Variants in MLXIPL observed in about 807,000 individuals in gnomAD.
The protein encoded by MLXIPL is MLX interacting protein like.
MLXIPL carries 49 observed loss-of-function variants against 81.5 expected under a neutral mutation model. That is an observed-to-expected ratio of 0.60 (90% CI 0.48 to 0.76). The LOEUF is 0.76. MLXIPL is among the 30% of genes least tolerant of loss of function. MLXIPL has a pLI of 0.00. For missense variants in MLXIPL, 1,053 were observed against 1,167.0 expected, an observed-to-expected ratio of 0.90 and a Z score of 1.42; for synonymous variants, 466 against 485.5, an observed-to-expected ratio of 0.96 and a Z score of 0.53.
At chr7:73,627,604 A>T (rs781990964), upstream of MLXIPL, among the ~76,000 whole-genome samples, 1 of 152,100 alleles carries the variant, frequency 6.6e-6, no homozygotes. Flanking sequence ...TGACAGGATC[A>T]TTACTTACCC....
intron 5 of MLXIPL, chr7:73,606,428 CTTTTTTT>C (rs539124816): frequency 3.3e-6 from 1 of 302,030 alleles, no homozygotes; most frequent in South Asian, 3.8e-5. Flanking sequence ...TTTTCTTTTT[CTTTTTTT>C]TTTTTTTGGA....
chr7:73,606,937 G>A, intron 5 of MLXIPL, 37 bp downstream of exon 5: 1 of 1,609,960 alleles, frequency 6.2e-7, no homozygotes, highest in Non-Finnish European at 8.5e-7. Flanking sequence ...GGGGGGCAAA[G>A]GGATGCCCTT....
chr7:73,627,533 GC>G (rs1305242215), upstream of MLXIPL, among the ~76,000 whole-genome samples: 19 of 152,152 alleles, frequency 1.2e-4, no homozygotes, highest in Admixed American at 1.2e-3. Context: ...ACAGGCGTGA[GC>G]CACCGTGGCC....
Position 73,597,384 on chromosome 7 carries a change from G to A in MLXIPL, c.1401C>T (p.Pro467=), listed in dbSNP as rs1554594609. Residue 467 remains proline (P), a synonymous_variant, in exon 9 of 17, where the codon CCC becomes CCT. Coordinates refer to ENST00000313375, the MANE Select transcript of MLXIPL (RefSeq NM_032951.3). ...GTAGAAGCTCTATGGGGAAGGGGGT[G>A]GGGGCTGGGCTGGGGACAGACTGTG... The part of the protein sequence containing the change: ...PTPQSVPSPA[P]TPFPIELLPL... The A allele has an allele frequency of 1.4e-6, 2 of 1,451,846 alleles. No homozygotes were observed. The highest frequency in any genetic ancestry group is 9.1e-7 in the Non-Finnish European group (1 of 1,095,562). 89.9% of individuals were successfully genotyped at this position (1,451,846 alleles called of 1,614,324 possible). A position where few individuals can be genotyped will look rare whatever the true frequency, so the allele number is the denominator to read the frequency against.
At chr7:73,597,006 C>T in intron 9 of MLXIPL, 74 bp from the exon 10 acceptor site, 1 of 1,541,640 alleles carries the variant, frequency 6.5e-7, no homozygotes, top group African/African-American at 1.4e-5. Context: ...CATCCTGCCC[C>T]TCCCAAGAGT....
chr7:73,632,444 C>A, the MLXIPL span, among the ~76,000 whole-genome samples: 1 of 152,154 alleles, frequency 6.6e-6, no homozygotes, highest in African/African-American at 2.4e-5. Flanking sequence ...CGACTTTGCA[C>A]CCATATACAT....
chr7:73,607,469 A>C (rs899084608), intron 3 of MLXIPL, 49 bp from the exon 4 acceptor site: 10 of 1,512,432 alleles, frequency 6.6e-6, no homozygotes, highest in Admixed American at 1.9e-5. Flanking sequence ...GGAGCACCGC[A>C]CACCCATCTC....
Position 73,607,434 on chromosome 7 carries a change from C to A in MLXIPL, c.484-14G>T. ...CAGGACCACGGCCTGGGGTAGGGGC[C>A]GGGGGAGGGGGATCAGTAGAGAGGG... On this transcript the variant is annotated splice_polypyrimidine_tract_variant and intron_variant, in intron 3 of 16. Transcript: ENST00000313375. 1 of 1,551,304 alleles carries A rather than the reference C, an allele frequency of 6.4e-7. No individual in the cohort carries two copies. Among genetic ancestry groups the A allele is most frequent in the Non-Finnish European group, 8.7e-7 (1 of 1,146,296 alleles).
chr7:73,595,890 TC>T lies in MLXIPL; in HGVS notation c.2137del (p.Glu713ArgfsTer104). On this transcript the variant is annotated frameshift_variant, in exon 14 of 17. Transcript: ENST00000313375. LOFTEE classifies it high-confidence loss of function. ...AATCTCATCCCGCAGCTGCTGGGCCTCCTCCTGCAAGCCCGCACGCTCCTGC... is the reference window on the plus strand; with the variant it reads ...AATCTCATCCCGCAGCTGCTGGGCCTCTCCTGCAAGCCCGCACGCTCCTGC... ...LQQERAGLQE[E>X]AQQLRDEIEE... 6.2e-7 allele frequency: 1 copy of T among 1,612,742 alleles called. No homozygotes were observed. Among genetic ancestry groups the T allele is most frequent in the Non-Finnish European group, 8.5e-7 (1 of 1,179,696 alleles).
At chr7:73,639,084 C>T in the MLXIPL span, among the ~76,000 whole-genome samples, 8 of 152,104 alleles carry the variant, frequency 5.3e-5, no homozygotes, top group South Asian at 1.0e-3. Flanking sequence ...GATGAGTGGA[C>T]GGTGGGGAGG....
chr7:73,607,734 G>C lies in MLXIPL; in HGVS notation c.401-62C>G, dbSNP rs74558243. 3.5e-3 allele frequency: 5,078 copies of C among 1,459,844 alleles called. 156 individuals are homozygous for C. In the African/African-American group the frequency reaches 0.063, roughly 18 times the overall value. The allele number at this position is 1,459,844 out of a possible 1,614,324, so 90.4% of individuals were successfully genotyped here. A position where few individuals can be genotyped will look rare whatever the true frequency, so the allele number is the denominator to read the frequency against. On this transcript the variant is annotated intron_variant, in intron 2 of 16. Coordinates refer to ENST00000313375, the MANE Select transcript of MLXIPL (RefSeq NM_032951.3). ...CCTCATCCCCCACCTCACCCCAGGG[G>C]ACTGGGACTCAAGTGACACCCTGCG...
chr7:73,619,864 A>C (rs1286973765), intron 1 of MLXIPL, among the ~76,000 whole-genome samples: 1 of 151,718 alleles, frequency 6.6e-6, no homozygotes, highest in Non-Finnish European at 1.5e-5. Context: ...CGGGAGGCAG[A>C]GCTTGCAGTG....
intron 1 of MLXIPL, among the ~76,000 whole-genome samples, chr7:73,617,044 C>T (rs1796048085): frequency 6.6e-6 from 1 of 151,972 alleles, no homozygotes; most frequent in South Asian, 2.1e-4. Context: ...GAGACGGAGT[C>T]TCAGTCTGTC....
intron 1 of MLXIPL, among the ~76,000 whole-genome samples, chr7:73,621,642 G>A (rs1448386594): frequency 3.3e-5 from 5 of 150,250 alleles, no homozygotes; most frequent in Non-Finnish European, 7.4e-5. Flanking sequence ...AAATCTAGAA[G>A]CTCTCCTGGT....
chr7:73,599,029 C>T (rs1292555112), intron 8 of MLXIPL, among the ~76,000 whole-genome samples: 1 of 151,092 alleles, frequency 6.6e-6, no homozygotes, highest in African/African-American at 2.4e-5. Context: ...GATCATGCCA[C>T]TGCACTCGAG....
intron 16 of MLXIPL, 53 bp downstream of exon 16, chr7:73,594,221 C>T (rs781988735): frequency 5.2e-5 from 84 of 1,605,724 alleles, no homozygotes; most frequent in Admixed American, 1.5e-4. Context: ...TGGAATGCTC[C>T]CTCCACCCCC....
upstream of MLXIPL, among the ~76,000 whole-genome samples, chr7:73,627,018 G>A (rs371137181): frequency 7.9e-5 from 12 of 152,168 alleles, no homozygotes; most frequent in African/African-American, 2.9e-4. Context: ...TCACAGGCCA[G>A]CCCTTCCACC....
At chr7:73,599,502 C>T (rs1554595351) in intron 8 of MLXIPL, 24 bp downstream of exon 8, 5 of 1,611,474 alleles carry the variant, frequency 3.1e-6, no homozygotes, top group Non-Finnish European at 3.4e-6. Context: ...CTACACAGGG[C>T]TGGACGGGGT....
chr7:73,596,944 C>G lies in MLXIPL; in HGVS notation c.1604-12G>C, dbSNP rs1554594380. On this transcript the variant is annotated splice_polypyrimidine_tract_variant and intron_variant, in intron 9 of 16. Transcript: ENST00000313375. The surrounding 1 kb of genome is among the most constrained non-coding windows in gnomAD (Gnocchi z 4.7). ...TTGCTCCGGCTTAGCTGTGCACGGG[C>G]AGAACCGTGAGGCTACTGGGGCTGG... 6.2e-7 allele frequency: 1 copy of G among 1,606,320 alleles called. No individual in the cohort carries two copies. The highest frequency in any genetic ancestry group is 8.5e-7 in the Non-Finnish European group (1 of 1,178,158).
Sources: gnomAD v4.1 joint callset for allele counts (sites outside exome capture counted in the v4.1 genomes callset) on GRCh38, gnomAD v4.1.1 for gene constraint, Gnocchi (gnomAD v3.1) non-coding constraint, MANE v1.5 for transcripts, NCBI Gene and HGNC (gene_info 2026-07-23, HGNC 2026-07-21) for gene names.